NREP: variants seen among roughly 807,000 people sequenced by gnomAD.
The protein encoded by NREP is neuronal regeneration-related protein.
In NREP, 5 loss-of-function variants were observed where a neutral mutation model predicts 8.6. That is an observed-to-expected ratio of 0.58 (90% confidence interval 0.30 to 1.22). NREP has a LOEUF of 1.22. Ranked by LOEUF, NREP falls within the 50% of genes most tolerant of loss-of-function variation. The pLI, the probability that NREP is intolerant of heterozygous loss-of-function variation, is 0.07. For missense variants in NREP, 86 were observed against 82.5 expected (o/e 1.04, Z -0.17); for synonymous variants, 27 against 28.0 (o/e 0.96, Z 0.11).
intron 2 of NREP, among the ~76,000 whole-genome samples, chr5:111,765,281 C>A (rs573490862): frequency 6.6e-6 from 1 of 152,162 alleles, no homozygotes; most frequent in Admixed American, 6.5e-5. Flanking sequence ...GGAGGCAGAG[C>A]TTAGGCAGTA....
At chr5:111,770,761 G>C (rs147822792) in intron 2 of NREP, among the ~76,000 whole-genome samples, 4,577 of 151,398 alleles carry the variant, frequency 0.03, 86 homozygotes, top group East Asian at 0.066. Flanking sequence ...GTAGAGACAG[G>C]GTCTCACCGT....
intron 2 of NREP, among the ~76,000 whole-genome samples, chr5:111,939,294 C>T (rs1204603593): frequency 6.6e-6 from 1 of 152,060 alleles, no homozygotes; most frequent in African/African-American, 2.4e-5. Context: ...GATTCTGATC[C>T]TGTCTCCTCT....
At chr5:111,963,803 G>T (rs1055631710) in intron 2 of NREP, among the ~76,000 whole-genome samples, 1 of 152,160 alleles carries the variant, frequency 6.6e-6, no homozygotes, top group African/African-American at 2.4e-5. Context: ...TAGTGCCATG[G>T]TCAAAACAAG....
chr5:111,794,528 G>A (rs1035932802), intron 2 of NREP, among the ~76,000 whole-genome samples: 6 of 152,140 alleles, frequency 3.9e-5, no homozygotes, highest in African/African-American at 9.7e-5. Flanking sequence ...ATGAAAAGAC[G>A]CGAAGGAAAC....
intron 2 of NREP, among the ~76,000 whole-genome samples, chr5:111,865,270 A>G (rs1364559436): frequency 6.6e-6 from 1 of 152,186 alleles, no homozygotes; most frequent in Non-Finnish European, 1.5e-5. Context: ...AAAGTGTATC[A>G]GTGGTATAGC....
chr5:111,919,911 GA>G (rs1755182456), intron 2 of NREP, among the ~76,000 whole-genome samples: 1 of 147,626 alleles, frequency 6.8e-6, no homozygotes, highest in Admixed American at 6.8e-5. Context: ...AAGAAAGAAA[GA>G]AAGAAAGATC....
upstream of NREP, chr5:111,757,886 C>T: frequency 1.0e-6 from 1 of 984,628 alleles, no homozygotes; most frequent in Non-Finnish European, 1.2e-6. Flanking sequence ...TGCTGCACAG[C>T]CCGGCGGCCC....
At chr5:111,752,797 T>C (rs1750445751) in intron 2 of NREP, among the ~76,000 whole-genome samples, 2 of 152,158 alleles carry the variant, frequency 1.3e-5, no homozygotes, top group South Asian at 4.1e-4. Flanking sequence ...GAGAGGCAAG[T>C]TCACTGTGTA....
At chr5:111,753,330 T>TATATA (rs1750485961) in intron 2 of NREP, among the ~76,000 whole-genome samples, 2 of 140,788 alleles carry the variant, frequency 1.4e-5, no homozygotes, top group Middle Eastern at 3.7e-3. Flanking sequence ...CAAGTTGATT[T>TATATA]TATATATATA....
intron 2 of NREP, among the ~76,000 whole-genome samples, chr5:111,887,978 T>C (rs749870912): frequency 3.3e-5 from 5 of 152,180 alleles, no homozygotes; most frequent in Non-Finnish European, 7.3e-5. Context: ...AAAAGTCCTG[T>C]CAAATGAATT....
At chr5:111,808,470 G>A (rs1360972459) in intron 2 of NREP, among the ~76,000 whole-genome samples, 2 of 152,208 alleles carry the variant, frequency 1.3e-5, no homozygotes, top group African/African-American at 4.8e-5. Flanking sequence ...ACTTTATCAA[G>A]TCCCATCAGG....
chr5:111,820,627 A>G (rs10477472), intron 2 of NREP, among the ~76,000 whole-genome samples: 45,202 of 151,874 alleles, frequency 0.3, 7,634 homozygotes, highest in Non-Finnish European at 0.4. Context: ...GATCATAAAT[A>G]TGTTACATTA....
At chr5:111,872,346 C>T (rs1371087399) in intron 2 of NREP, among the ~76,000 whole-genome samples, 1 of 152,138 alleles carries the variant, frequency 6.6e-6, no homozygotes, top group Non-Finnish European at 1.5e-5. Flanking sequence ...TGGGTGAGGC[C>T]TCTCCACATT....
intron 2 of NREP, among the ~76,000 whole-genome samples, chr5:111,806,732 G>A (rs1465576913): frequency 7.0e-6 from 1 of 142,612 alleles, no homozygotes; most frequent in East Asian, 2.6e-4. Flanking sequence ...TGTTTTAAAG[G>A]AAGGATGCAG....
intron 2 of NREP, among the ~76,000 whole-genome samples, chr5:111,870,037 T>C (rs541299724): frequency 1.3e-5 from 2 of 152,190 alleles, no homozygotes; most frequent in African/African-American, 2.4e-5. Flanking sequence ...AGGTAGACTA[T>C]TGACCTAATA....
intron 2 of NREP, among the ~76,000 whole-genome samples, chr5:111,862,339 T>A (rs1489578813): frequency 6.6e-6 from 1 of 152,206 alleles, no homozygotes; most frequent in Admixed American, 6.5e-5. Context: ...ATATGTCAGA[T>A]AGCAGGGAAG....
At chr5:111,861,645 A>G (rs1403805911) in intron 2 of NREP, among the ~76,000 whole-genome samples, 1 of 152,206 alleles carries the variant, frequency 6.6e-6, no homozygotes, top group Non-Finnish European at 1.5e-5. Flanking sequence ...ATTGCTATAG[A>G]GAATAACTTG....
At chr5:111,880,730 CTTTTTT>C (rs140190021) in intron 2 of NREP, among the ~76,000 whole-genome samples, 3 of 92,170 alleles carry the variant, frequency 3.3e-5, no homozygotes, top group Non-Finnish European at 6.4e-5. Flanking sequence ...GAACATAAGC[CTTTTTT>C]TTTTTTTTTT....
chr5:111,893,028 C>A (rs1015112748), intron 2 of NREP, among the ~76,000 whole-genome samples: 1 of 152,186 alleles, frequency 6.6e-6, no homozygotes, highest in Non-Finnish European at 1.5e-5. Flanking sequence ...TTGACATACC[C>A]ACAGCAGGTC....
Sources: gnomAD v4.1 joint callset for allele counts (sites outside exome capture counted in the v4.1 genomes callset) on GRCh38, gnomAD v4.1.1 for gene constraint, MANE v1.5 for transcripts, NCBI Gene and HGNC (gene_info 2026-07-23, HGNC 2026-07-21) for gene names.